Variants in LONRF2 observed in about 807,000 individuals in gnomAD.
LONRF2 encodes LON peptidase N-terminal domain and ring finger 2.
A neutral mutation model predicts 66.6 loss-of-function variants in LONRF2; 35 were observed. That is an observed-to-expected ratio of 0.53 (90% confidence interval 0.40 to 0.70). LONRF2 has a LOEUF of 0.70. LONRF2 is among the 30% of genes least tolerant of loss of function. The pLI is 0.00. For missense variants in LONRF2, 902 were observed against 1,002.1 expected, an observed-to-expected ratio of 0.90 and a Z score of 1.35; for synonymous variants, 417 against 418.1, an observed-to-expected ratio of 1.00 and a Z score of 0.03.
At position 100,272,003 on chromosome 2, in the gene LONRF2, A is replaced by C. The variant is rs1196662538; in HGVS notation, c.*12295T>G. Among the ~76,000 whole-genome samples the C allele has an allele frequency of 6.6e-6, 1 of 152,234 alleles. No individual in the cohort carries two copies. Among genetic ancestry groups the C allele is most frequent in the African/African-American group, 2.4e-5 (1 of 41,464 alleles). ...AAGCGGGAAAATGCCTGATCCTTAC[A>C]ACTCACATATAAAAGACTTCATCAG... On this transcript the variant is annotated 3_prime_UTR_variant, in exon 12 of 12. Coordinates refer to ENST00000393437, the MANE Select transcript of LONRF2 (RefSeq NM_198461.4).
At chr2:100,302,565 A>G (rs1675205467) in intron 3 of LONRF2, among the ~76,000 whole-genome samples, 1 of 152,222 alleles carries the variant, frequency 6.6e-6, no homozygotes, top group Admixed American at 6.5e-5. Context: ...GCTGAAAATT[A>G]CAGGTCACCC....
In LONRF2 at chr2:100,290,348, G is replaced by A. The variant is rs1365413576; in HGVS notation, c.1830C>T (p.Asp610=). 12 of 1,614,000 alleles carry A rather than the reference G, an allele frequency of 7.4e-6. No individual in the cohort carries two copies. Among genetic ancestry groups the A allele is most frequent in the African/African-American group, 4.0e-5 (3 of 74,888 alleles). ...RTFPDGSSVV[D]AIGISRFRVL... ...CTCGGAACCGACTGATGCCAATCGCGTCTACAACAGAACTTCCATCAGGAA... is the reference window on the plus strand; with the variant it reads ...CTCGGAACCGACTGATGCCAATCGCATCTACAACAGAACTTCCATCAGGAA... Residue 610 remains aspartate (D), a synonymous_variant, in exon 10 of 12, where the codon GAC becomes GAT. Transcript: ENST00000393437.
At chr2:100,309,562 C>T (rs1675368427) in intron 1 of LONRF2, 1 of 160,702 alleles carries the variant, frequency 6.2e-6, no homozygotes, top group Admixed American at 6.4e-5. Flanking sequence ...TCAGCAACTG[C>T]TGAATCCTCT....
intron 2 of LONRF2, among the ~76,000 whole-genome samples, chr2:100,307,672 C>T (rs912780147): frequency 1.3e-5 from 2 of 152,086 alleles, no homozygotes; most frequent in Non-Finnish European, 2.9e-5. Flanking sequence ...TATTATGATA[C>T]CATATGTTGA....
Position 100,321,747 on chromosome 2 carries a change from TC to T in LONRF2, c.346del (p.Glu116ArgfsTer39). 1 of 1,078,008 alleles carries T rather than the reference TC, an allele frequency of 9.3e-7. No homozygotes were observed. The highest frequency in any genetic ancestry group is 1.1e-6 in the Non-Finnish European group (1 of 892,528). The allele number at this position is 1,078,008 out of a possible 1,614,324, so 66.8% of individuals were successfully genotyped here. A position where few individuals can be genotyped will look rare whatever the true frequency, so the allele number is the denominator to read the frequency against. The stretch of plus-strand genomic sequence containing the variant: ...CGCCTCGGGCTCGCCGCCCGGGTTC[TC>T]CGCGGACAGCGGCCGGTCGCGCAGG... ...VGLRDRPLSAENPGGEPEAPG... is the reference protein window; with the variant it reads ...VGLRDRPLSAXNPGGEPEAPG... On this transcript the variant is annotated frameshift_variant, in exon 1 of 12. Transcript: ENST00000393437. LOFTEE classifies it high-confidence loss of function.
intron 1 of LONRF2, among the ~76,000 whole-genome samples, chr2:100,313,261 G>A (rs186807243): frequency 1.1e-4 from 17 of 152,270 alleles, no homozygotes; most frequent in Middle Eastern, 3.4e-3. Flanking sequence ...TTGGGAGGCC[G>A]AGGTGGGCGG....
At chr2:100,303,981 A>G (rs1390252988) in intron 2 of LONRF2, among the ~76,000 whole-genome samples, 1 of 151,704 alleles carries the variant, frequency 6.6e-6, no homozygotes, top group South Asian at 2.1e-4. Context: ...AGTTTCCAAG[A>G]TTCTTTTTGT....
At position 100,286,126 on chromosome 2, in the gene LONRF2, A is replaced by G. The variant is rs545562734; in HGVS notation, c.2070+788T>C. 3.0e-4 allele frequency among the ~76,000 whole-genome samples: 46 copies of G among 152,324 alleles called. No individual in the cohort carries two copies. The East Asian group carries it at 8.9e-3, about 29-fold the overall frequency. ...CATTTTTCTGTGTTTGGAAAAAAAA[A>G]GAATTCAGGCAGGGGGTAAAAGATA... On this transcript the variant is annotated intron_variant, in intron 11 of 11. Transcript: ENST00000393437.
intron 1 of LONRF2, among the ~76,000 whole-genome samples, chr2:100,320,849 A>T (rs575626120): frequency 1.8e-4 from 27 of 152,280 alleles, no homozygotes; most frequent in African/African-American, 6.5e-4. Context: ...ACAATTTAAA[A>T]CTACACACAC....
rs980548019 is a variant in LONRF2 at position 100,277,602 on chromosome 2, T to C, written c.*6696A>G. On this transcript the variant is annotated 3_prime_UTR_variant, in exon 12 of 12. Transcript: ENST00000393437. ...AGTGGGAGTTCACAGAGGGTACAGA[T>C]GGCATTGCCAACCCTCATATAAATG... is the stretch of plus-strand genomic sequence containing the variant. 6.6e-6 allele frequency: 1 copy of C among 152,152 alleles called. No individual in the cohort carries two copies. Among genetic ancestry groups the C allele is most frequent in the African/African-American group, 2.4e-5 (1 of 41,430 alleles). The allele number at this position is 152,152 out of a possible 1,614,324, so 9.4% of individuals were successfully genotyped here.
intron 3 of LONRF2, among the ~76,000 whole-genome samples, chr2:100,302,267 G>A (rs1353959467): frequency 6.6e-6 from 1 of 152,134 alleles, no homozygotes; most frequent in African/African-American, 2.4e-5. Context: ...CATCTAACGT[G>A]GTTTGAATTG....
intron 2 of LONRF2, among the ~76,000 whole-genome samples, chr2:100,303,958 A>G (rs752088481): frequency 6.6e-6 from 1 of 151,854 alleles, no homozygotes; most frequent in Non-Finnish European, 1.5e-5. Flanking sequence ...GTACCACTTC[A>G]TATTGTCCCA....
chr2:100,289,803 AAAT>A (rs1674921353), intron 10 of LONRF2, among the ~76,000 whole-genome samples: 1 of 152,140 alleles, frequency 6.6e-6, no homozygotes, highest in Non-Finnish European at 1.5e-5. Context: ...CTGAGAAAAT[AAAT>A]AACTGCTGAA....
At chr2:100,305,355 G>C (rs951855615) in intron 2 of LONRF2, among the ~76,000 whole-genome samples, 8 of 152,018 alleles carry the variant, frequency 5.3e-5, no homozygotes, top group African/African-American at 1.9e-4. Flanking sequence ...GGATTCACAT[G>C]ACGACTTCAC....
At chr2:100,315,294 T>A (rs1675483937) in intron 1 of LONRF2, among the ~76,000 whole-genome samples, 1 of 148,138 alleles carries the variant, frequency 6.8e-6, no homozygotes, top group Admixed American at 6.6e-5. Context: ...ACCTCTATAT[T>A]GACCTTGTAG....
At chr2:100,299,138 G>T in intron 6 of LONRF2, 88 bp downstream of exon 6, 1 of 996,236 alleles carries the variant, frequency 1.0e-6, no homozygotes, top group East Asian at 2.5e-5. Flanking sequence ...CCTAGTTTCC[G>T]TGATAATAAA....
At chr2:100,301,653 A>G (rs1051547848) in intron 3 of LONRF2, among the ~76,000 whole-genome samples, 1 of 152,256 alleles carries the variant, frequency 6.6e-6, no homozygotes, top group Non-Finnish European at 1.5e-5. Context: ...GATATCTATC[A>G]GCCATAGAAT....
In LONRF2 at chr2:100,278,558, T is replaced by C. The variant is rs1181120838; in HGVS notation, c.*5740A>G. 3 of 152,148 alleles carry C rather than the reference T, an allele frequency of 2.0e-5. No individual in the cohort carries two copies. The highest frequency in any genetic ancestry group is 7.2e-5 in the African/African-American group (3 of 41,424). 9.4% of individuals were successfully genotyped at this position (152,148 alleles called of 1,614,324 possible). A position where few individuals can be genotyped will look rare whatever the true frequency, so the allele number is the denominator to read the frequency against. On this transcript the variant is annotated 3_prime_UTR_variant, in exon 12 of 12. Coordinates refer to ENST00000393437, the MANE Select transcript of LONRF2 (RefSeq NM_198461.4). ...ATCTTGTCACCACTGATGTGGGGGC[T>C]TTCGCTGGTTTATGATCCAGAGACC...
chr2:100,318,879 C>G (rs1675565851), intron 1 of LONRF2, among the ~76,000 whole-genome samples: 1 of 150,516 alleles, frequency 6.6e-6, no homozygotes, highest in Admixed American at 6.6e-5. Flanking sequence ...CACCTGATAT[C>G]CCAGCACTTT....
Sources: gnomAD v4.1 joint callset for allele counts (sites outside exome capture counted in the v4.1 genomes callset) on GRCh38, gnomAD v4.1.1 for gene constraint, MANE v1.5 for transcripts, NCBI Gene and HGNC (gene_info 2026-07-23, HGNC 2026-07-21) for gene names.